Variants in DLGAP1 observed in about 807,000 individuals in gnomAD.
The protein encoded by DLGAP1 is disks large-associated protein 1.
In DLGAP1, 11 loss-of-function variants were observed where a neutral mutation model predicts 90.8. The ratio of observed to expected loss-of-function variants is 0.12; its 90% CI spans 0.08 to 0.20. The LOEUF (loss-of-function observed/expected upper bound fraction) is 0.20. Ranked by LOEUF, DLGAP1 falls within the 10% of genes least tolerant of loss-of-function variation. The probability of loss-of-function intolerance (pLI) is 1.00; values close to 1 mark genes in which losing one functional copy is unlikely to be tolerated. For missense variants in DLGAP1, 1,050 were observed against 1,333.8 expected, an observed-to-expected ratio of 0.79 and a Z score of 3.31; for synonymous variants, 558 against 540.7, an observed-to-expected ratio of 1.03 and a Z score of -0.44.
At chr18:3,977,316 C>T (rs2073604648) in intron 3 of DLGAP1, among the ~76,000 whole-genome samples, 1 of 152,166 alleles carries the variant, frequency 6.6e-6, no homozygotes, top group Admixed American at 6.5e-5. Flanking sequence ...CAGTGATCTG[C>T]CTGCCTTGGC....
chr18:4,063,864 G>C (rs1455170632), intron 2 of DLGAP1, among the ~76,000 whole-genome samples: 13 of 151,954 alleles, frequency 8.6e-5, no homozygotes, highest in African/African-American at 2.9e-4. Context: ...CATTCTGAAG[G>C]CTCCCATGTA....
Position 3,601,007 on chromosome 18 carries a change from T to C in DLGAP1, c.1592-18759A>G, listed in dbSNP as rs895478629. Among the ~76,000 whole-genome samples, 17 of 113,902 alleles carry C rather than the reference T, an allele frequency of 1.5e-4. 1 individual carries two copies. The South Asian group carries it at 3.8e-3, about 25-fold the overall frequency. The allele number at this position is 113,902 out of a possible 152,430, so 74.7% of individuals were successfully genotyped here. On this transcript the variant is annotated intron_variant, in intron 7 of 12. Coordinates refer to ENST00000315677, the MANE Select transcript of DLGAP1 (RefSeq NM_004746.4). Reference sequence around the variant, plus strand: ...ATATAGATATATAGATATATAGATATAGATAGATATATAGATATATAGATA... The same window carrying C: ...ATATAGATATATAGATATATAGATACAGATAGATATATAGATATATAGATA...
chr18:3,929,615 T>C (rs1228784337), intron 3 of DLGAP1, among the ~76,000 whole-genome samples: 1 of 152,174 alleles, frequency 6.6e-6, no homozygotes, highest in Non-Finnish European at 1.5e-5. Context: ...TGGGTGTGTG[T>C]ACAGAAAGGG....
intron 5 of DLGAP1, among the ~76,000 whole-genome samples, chr18:3,748,165 G>A (rs1320958561): frequency 6.6e-6 from 1 of 152,218 alleles, no homozygotes; most frequent in Admixed American, 6.5e-5. Flanking sequence ...ACTAAAGGGA[G>A]ATTTTGATTT....
chr18:3,845,556 GTACT>G lies in DLGAP1; in HGVS notation c.958-31287_958-31284del, dbSNP rs1440083743. On this transcript the variant is annotated intron_variant, in intron 4 of 12. Coordinates refer to ENST00000315677, the MANE Select transcript of DLGAP1 (RefSeq NM_004746.4). Reference sequence around the variant, plus strand: ...GCCTGTGCAATTTTGCATAGCAGTTGTACTTACAGAGTCTGGCATGCTCACTGTC... The same window carrying G: ...GCCTGTGCAATTTTGCATAGCAGTTGTACAGAGTCTGGCATGCTCACTGTC... The G allele has an allele frequency of 4.1e-6, 4 of 985,322 alleles. No individual in the cohort carries two copies. The African/African-American group carries it at 7.0e-5, about 17-fold the overall frequency. 61.0% of individuals were successfully genotyped at this position (985,322 alleles called of 1,614,324 possible).
chr18:3,929,981 G>T (rs2072480277), intron 3 of DLGAP1, among the ~76,000 whole-genome samples: 1 of 152,192 alleles, frequency 6.6e-6, no homozygotes. Context: ...CAGATACATG[G>T]TGCTAGTTTG....
intron 2 of DLGAP1, among the ~76,000 whole-genome samples, chr18:4,123,629 G>A (rs1418162166): frequency 1.3e-5 from 2 of 152,180 alleles, no homozygotes; most frequent in African/African-American, 4.8e-5. Context: ...GAAGTCACTG[G>A]AGCTGCTGAA....
chr18:3,986,923 T>C (rs573558699), intron 3 of DLGAP1, among the ~76,000 whole-genome samples: 4 of 152,276 alleles, frequency 2.6e-5, no homozygotes, highest in Admixed American at 2.6e-4. Flanking sequence ...CCCACAAAAA[T>C]GTCCTATGAT....
chr18:3,718,184 G>A (rs567720398), intron 7 of DLGAP1, among the ~76,000 whole-genome samples: 15 of 152,240 alleles, frequency 9.9e-5, no homozygotes, highest in Non-Finnish European at 1.6e-4. Context: ...GAAAAGGCCC[G>A]GTGCAGCGGC....
intron 3 of DLGAP1, among the ~76,000 whole-genome samples, chr18:3,886,733 T>C (rs1437692155): frequency 6.6e-6 from 1 of 152,222 alleles, no homozygotes; most frequent in Non-Finnish European, 1.5e-5. Flanking sequence ...ATTTTCTTGT[T>C]GAAAAGTACA....
intron 1 of DLGAP1, among the ~76,000 whole-genome samples, chr18:4,262,426 C>A (rs377430447): frequency 6.6e-6 from 1 of 152,182 alleles, no homozygotes; most frequent in Non-Finnish European, 1.5e-5. Context: ...ACACTGAACC[C>A]TTACAGTGTG....
At chr18:4,332,332 T>C (rs1024220582) in intron 1 of DLGAP1, among the ~76,000 whole-genome samples, 1 of 151,954 alleles carries the variant, frequency 6.6e-6, no homozygotes, top group Non-Finnish European at 1.5e-5. Flanking sequence ...TCATATTATC[T>C]GAAAGTAAAA....
At chr18:4,233,226 T>C (rs1444129920) in intron 1 of DLGAP1, among the ~76,000 whole-genome samples, 1 of 152,144 alleles carries the variant, frequency 6.6e-6, no homozygotes, top group Non-Finnish European at 1.5e-5. Context: ...TTCCCACTTA[T>C]GTTCTATCCC....
intron 3 of DLGAP1, among the ~76,000 whole-genome samples, chr18:3,885,868 C>T (rs2071299358): frequency 6.6e-6 from 1 of 152,094 alleles, no homozygotes; most frequent in Admixed American, 6.5e-5. Flanking sequence ...TATCACTGTC[C>T]AGATGATGAC....
At chr18:4,338,996 G>A (rs1338951533) in intron 1 of DLGAP1, among the ~76,000 whole-genome samples, 1 of 152,094 alleles carries the variant, frequency 6.6e-6, no homozygotes, top group Admixed American at 6.5e-5. Context: ...TCCAACTGAT[G>A]GGGACAAAAT....
chr18:3,626,188 G>A (rs188280208), intron 7 of DLGAP1, among the ~76,000 whole-genome samples: 3 of 152,108 alleles, frequency 2.0e-5, no homozygotes, highest in Non-Finnish European at 4.4e-5. Context: ...AGCTACTTGG[G>A]GGGCTGAGGT....
At chr18:3,896,477 C>G (rs1011368719) in intron 3 of DLGAP1, 2 of 152,180 alleles carry the variant, frequency 1.3e-5, no homozygotes, top group African/African-American at 4.8e-5. Flanking sequence ...TACAAGAAGA[C>G]TCATCCAGCT....
intron 3 of DLGAP1, among the ~76,000 whole-genome samples, chr18:3,886,290 TG>T (rs1284193190): frequency 2.0e-5 from 3 of 152,224 alleles, no homozygotes; most frequent in Non-Finnish European, 4.4e-5. Context: ...TTTGAATTTT[TG>T]TGGGTACCTA....
rs1271599374 is a variant in DLGAP1, at chr18:4,216,989, T to C, written c.-266-65702A>G. On this transcript the variant is annotated intron_variant, in intron 1 of 12. Coordinates refer to ENST00000315677, the MANE Select transcript of DLGAP1 (RefSeq NM_004746.4). ...ATGTATCCATTGTTACAGTATCATATTGAATAGTTTCACTGCCCTAAATAT... is the reference window on the plus strand; with the variant it reads ...ATGTATCCATTGTTACAGTATCATACTGAATAGTTTCACTGCCCTAAATAT... Among the ~76,000 whole-genome samples, 3 of 152,108 alleles carry C rather than the reference T, an allele frequency of 2.0e-5. No homozygotes were observed. In the East Asian group the frequency reaches 5.8e-4, roughly 29 times the overall value.
Sources: allele counts gnomAD v4.1 joint callset (sites outside exome capture counted in the v4.1 genomes callset), GRCh38; gene constraint gnomAD v4.1.1; transcripts MANE v1.5; gene names NCBI Gene and HGNC (gene_info 2026-07-23, HGNC 2026-07-21).